Variants in AFAP1L2 observed in about 807,000 individuals in gnomAD.
The protein encoded by AFAP1L2 is actin filament-associated protein 1-like 2.
A neutral mutation model predicts 99.3 loss-of-function variants in AFAP1L2; 46 were observed. The ratio of observed to expected loss-of-function variants is 0.46; its 90% CI spans 0.37 to 0.59. The LOEUF is 0.59. Ranked by LOEUF, AFAP1L2 falls within the 20% of genes least tolerant of loss-of-function variation. The pLI, the probability that AFAP1L2 is intolerant of heterozygous loss-of-function variation, is 0.00. For synonymous variants in AFAP1L2, 397 were observed against 419.1 expected, an observed-to-expected ratio of 0.95 and a Z score of 0.64; for missense variants, 959 against 1,034.9, an observed-to-expected ratio of 0.93 and a Z score of 1.01.
In AFAP1L2 at chr10:114,315,774, A is replaced by G; in HGVS notation, c.407-9T>C. 1 of 1,607,442 alleles carries G rather than the reference A, an allele frequency of 6.2e-7. No homozygotes were observed. The highest frequency in any genetic ancestry group is 1.3e-5 in the African/African-American group (1 of 74,966). On this transcript the variant is annotated splice_polypyrimidine_tract_variant and intron_variant, in intron 5 of 18. Transcript: ENST00000304129. ...CACAGCCTCTCCGTCCTCTGCAAGG[A>G]AGACCAGCTCGGTCAGGGCCCCATG... is the stretch of plus-strand genomic sequence containing the variant.
intron 15 of AFAP1L2, 28 bp downstream of exon 15, chr10:114,300,166 T>C (rs1375525602): frequency 1.9e-6 from 3 of 1,613,920 alleles, no homozygotes; most frequent in South Asian, 2.2e-5. Flanking sequence ...ACAGATGGAA[T>C]CGGGCTAACT....
rs369392325 is a variant in AFAP1L2 at position 114,296,141 on chromosome 10, G to C, written c.2431-73C>G. On this transcript the variant is annotated intron_variant, in intron 18 of 18. Coordinates refer to ENST00000304129, the MANE Select transcript of AFAP1L2 (RefSeq NM_001001936.3). ...GTTAGTTATCCACTGTAGCAACCTT[G>C]ATATACATAGAAAAAATGTGAGAAA... 1.9e-6 allele frequency: 3 copies of C among 1,589,660 alleles called. No homozygotes were observed. In the African/African-American group the frequency reaches 4.1e-5, roughly 22 times the overall value.
intron 1 of AFAP1L2, among the ~76,000 whole-genome samples, chr10:114,378,441 G>C (rs1461021219): frequency 1.3e-5 from 2 of 152,144 alleles, no homozygotes; most frequent in Non-Finnish European, 2.9e-5. Context: ...CACTTCCCAT[G>C]GGCAAATGTT....
At chr10:114,306,293 G>C (rs1365110113) in intron 10 of AFAP1L2, among the ~76,000 whole-genome samples, 1 of 129,876 alleles carries the variant, frequency 7.7e-6, no homozygotes, top group Non-Finnish European at 1.7e-5. Flanking sequence ...GAGGCGTCGG[G>C]GCTGCAGGAG....
intron 4 of AFAP1L2, chr10:114,325,782 G>T (rs1353948665): frequency 9.0e-7 from 1 of 1,105,402 alleles, no homozygotes; most frequent in South Asian, 1.6e-5. Context: ...GGTCCCCCTG[G>T]TCAGCCAGCA....
At chr10:114,385,707 A>G (rs2056412987) in intron 1 of AFAP1L2, among the ~76,000 whole-genome samples, 2 of 152,212 alleles carry the variant, frequency 1.3e-5, no homozygotes, top group African/African-American at 4.8e-5. Context: ...GTCTGACAGA[A>G]AAGCCTTGGG....
chr10:114,318,878 G>C (rs1379332958), intron 5 of AFAP1L2, among the ~76,000 whole-genome samples: 6 of 152,100 alleles, frequency 3.9e-5, no homozygotes, highest in Admixed American at 3.9e-4. Flanking sequence ...TCTTGGCCAG[G>C]CATGGTGGCT....
At chr10:114,354,509 T>C (rs2051016610) in intron 1 of AFAP1L2, among the ~76,000 whole-genome samples, 1 of 152,172 alleles carries the variant, frequency 6.6e-6, no homozygotes, top group African/African-American at 2.4e-5. Context: ...TCCCATATGG[T>C]TCAGATTTGA....
At chr10:114,308,602 G>T in intron 8 of AFAP1L2, 85 bp from the exon 9 acceptor site, 4 of 1,240,590 alleles carry the variant, frequency 3.2e-6, no homozygotes, top group Non-Finnish European at 4.7e-6. Context: ...ATAATAGATG[G>T]CTCTTGGTTG....
chr10:114,299,152 A>G, intron 16 of AFAP1L2, 108 bp downstream of exon 16: 1 of 1,326,582 alleles, frequency 7.5e-7, no homozygotes, highest in Non-Finnish European at 1.1e-6. Flanking sequence ...TGAAGGGGCC[A>G]GGGCCCACTG....
rs1332769292 is a variant in AFAP1L2, at chr10:114,314,033, C to T, written c.630G>A (p.Lys210=). The T allele has an allele frequency of 6.2e-7, 1 of 1,611,136 alleles. No homozygotes were observed. The highest frequency in any genetic ancestry group is 2.2e-5 in the East Asian group (1 of 44,752). ...TCACGTCCAGCTGAGGGCTGTGGTC[C>T]TTGGAGGATTTGTAGCACTGGAAGG... ...DNRLLCYKSS[K]DHSPQLDVNL... The change falls in exon 7 of 19, where the codon AAG becomes AAA. Residue 210 remains lysine (K), a synonymous_variant. Transcript: ENST00000304129.
chr10:114,378,484 A>G (rs935376339), intron 1 of AFAP1L2, among the ~76,000 whole-genome samples: 1 of 152,220 alleles, frequency 6.6e-6, no homozygotes, highest in African/African-American at 2.4e-5. Flanking sequence ...TTATATCCTC[A>G]GAGGCCAAGA....
chr10:114,344,899 C>A (rs1030784237), intron 1 of AFAP1L2, among the ~76,000 whole-genome samples: 1 of 152,026 alleles, frequency 6.6e-6, no homozygotes, highest in Non-Finnish European at 1.5e-5. Context: ...GAGTTCGAGA[C>A]CAGCCTGGCC....
intron 1 of AFAP1L2, among the ~76,000 whole-genome samples, chr10:114,370,771 C>A (rs912524886): frequency 3.9e-5 from 6 of 152,194 alleles, no homozygotes; most frequent in African/African-American, 7.2e-5. Context: ...CGGAGGGGAC[C>A]TGTGCCCCGC....
At chr10:114,339,948 T>C (rs1239222761) in intron 2 of AFAP1L2, among the ~76,000 whole-genome samples, 1 of 146,692 alleles carries the variant, frequency 6.8e-6, no homozygotes, top group Non-Finnish European at 1.5e-5. Context: ...GAGGTGGAGG[T>C]TGCAGTGGAC....
chr10:114,318,139 A>G (rs2044444332), intron 5 of AFAP1L2, among the ~76,000 whole-genome samples: 1 of 152,258 alleles, frequency 6.6e-6, no homozygotes, highest in Admixed American at 6.5e-5. Flanking sequence ...TTTGATGGGT[A>G]GTAGGATCAG....
chr10:114,368,767 AACACACACACACAC>A (rs34854872), intron 1 of AFAP1L2, among the ~76,000 whole-genome samples: 10,469 of 140,710 alleles, frequency 0.074, 529 homozygotes, highest in African/African-American at 0.14. Context: ...GTGTCCTTAC[AACACACACACACAC>A]ACACACACAC....
At chr10:114,348,489 C>G (rs2049947015) in intron 1 of AFAP1L2, among the ~76,000 whole-genome samples, 1 of 152,142 alleles carries the variant, frequency 6.6e-6, no homozygotes, top group Non-Finnish European at 1.5e-5. Flanking sequence ...GAAGTTTGCT[C>G]CTTTTTCTTG....
In AFAP1L2 at chr10:114,307,702, CG is replaced by C. The variant is rs1179874905; in HGVS notation, c.1072+102del. The C allele has an allele frequency of 1.3e-5, 12 of 913,028 alleles. No homozygotes were observed. In the Admixed American group the frequency reaches 2.4e-4, roughly 19 times the overall value. The allele number at this position is 913,028 out of a possible 1,614,324, so 56.6% of individuals were successfully genotyped here. ...GGCTCTCCATTCCTAGAGATGTTTA[CG>C]GAAGACCTAAAACCCCCTGCCTTCG... is the stretch of plus-strand genomic sequence containing the variant. On this transcript the variant is annotated intron_variant, in intron 10 of 18. Coordinates refer to ENST00000304129, the MANE Select transcript of AFAP1L2 (RefSeq NM_001001936.3).
Sources: gnomAD v4.1 joint callset for allele counts (sites outside exome capture counted in the v4.1 genomes callset) on GRCh38, gnomAD v4.1.1 for gene constraint, MANE v1.5 for transcripts, NCBI Gene and HGNC (gene_info 2026-07-23, HGNC 2026-07-21) for gene names.